The following TRIM16 variants were observed in gnomAD, a reference collection of about 807,000 sequenced individuals.
The protein encoded by TRIM16 is tripartite motif containing 16.
A neutral mutation model predicts 50.4 loss-of-function variants in TRIM16; 33 were observed. The observed-to-expected ratio is 0.65, with a 90% CI of 0.50 to 0.88. The LOEUF is 0.88. Among genes scored for constraint, TRIM16 ranks in the 40% least tolerant of loss-of-function variants. The probability of loss-of-function intolerance (pLI) is 0.00; values close to 1 mark genes in which losing one functional copy is unlikely to be tolerated. For missense variants in TRIM16, 581 were observed against 686.8 expected (o/e 0.85, Z 1.72); for synonymous variants, 229 against 270.7 (o/e 0.85, Z 1.51).
chr17:15,664,038 C>T (rs917134266), intron 6 of TRIM16, among the ~76,000 whole-genome samples: 3 of 152,152 alleles, frequency 2.0e-5, no homozygotes, highest in Non-Finnish European at 2.9e-5. Flanking sequence ...CACTTGGTTC[C>T]GAGATCCATC....
intron 6 of TRIM16, among the ~76,000 whole-genome samples, chr17:15,670,830 A>G (rs1988697255): frequency 1.3e-5 from 2 of 152,294 alleles, no homozygotes; most frequent in Admixed American, 6.5e-5. Flanking sequence ...CCATGACTTC[A>G]CTATACAGTT....
chr17:15,647,320 C>T (rs548680033), intron 7 of TRIM16, among the ~76,000 whole-genome samples: 22 of 152,332 alleles, frequency 1.4e-4, no homozygotes, highest in African/African-American at 4.8e-4. Context: ...ATCCACCTTT[C>T]GGCTGCCAGC....
chr17:15,675,294 G>A (rs1272913581), intron 6 of TRIM16, among the ~76,000 whole-genome samples: 3 of 152,076 alleles, frequency 2.0e-5, no homozygotes, highest in Non-Finnish European at 4.4e-5. Context: ...ATAAAGCATC[G>A]CCACTGTAAC....
At position 15,677,575 on chromosome 17, in the gene TRIM16, C is replaced by A; in HGVS notation, c.-443G>T. The A allele has an allele frequency of 9.5e-7, 1 of 1,052,040 alleles. No individual in the cohort carries two copies. Among genetic ancestry groups the A allele is most frequent in the Non-Finnish European group, 1.2e-6 (1 of 862,756 alleles). 65.2% of individuals were successfully genotyped at this position (1,052,040 alleles called of 1,614,324 possible). A position where few individuals can be genotyped will look rare whatever the true frequency, so the allele number is the denominator to read the frequency against. ...CTGGGGTGGAAGGACCCAAGCTCACCCAAGGAGACCAGGTTCCTATAGTTC... is the reference window on the plus strand; with the variant it reads ...CTGGGGTGGAAGGACCCAAGCTCACACAAGGAGACCAGGTTCCTATAGTTC... On this transcript the variant is annotated splice_region_variant and 5_prime_UTR_variant, in exon 5 of 12. Coordinates refer to ENST00000649191, the MANE Select transcript of TRIM16 (RefSeq NM_001348119.1).
At chr17:15,637,137 C>A (rs1323940217) in intron 8 of TRIM16, among the ~76,000 whole-genome samples, 2 of 145,100 alleles carry the variant, frequency 1.4e-5, no homozygotes, top group Middle Eastern at 3.7e-3. Context: ...GTCAGCCCCC[C>A]GCCCGGCCAG....
At chr17:15,668,180 C>T (rs1362303067) in intron 6 of TRIM16, among the ~76,000 whole-genome samples, 1 of 152,216 alleles carries the variant, frequency 6.6e-6, no homozygotes, top group African/African-American at 2.4e-5. Context: ...ACATGGACTC[C>T]AGCTATCTGT....
intron 6 of TRIM16, among the ~76,000 whole-genome samples, chr17:15,674,967 T>C (rs1988866011): frequency 6.6e-6 from 1 of 152,000 alleles, no homozygotes; most frequent in Non-Finnish European, 1.5e-5. Context: ...AGCTATGAGC[T>C]TCTTTATTTT....
chr17:15,657,769 TAAG>T (rs1296186289), intron 6 of TRIM16, among the ~76,000 whole-genome samples: 1 of 152,184 alleles, frequency 6.6e-6, no homozygotes, highest in African/African-American at 2.4e-5. Flanking sequence ...CCTCCAAACT[TAAG>T]AATTGAGAAT....
chr17:15,670,405 C>T (rs1010873635), intron 6 of TRIM16, among the ~76,000 whole-genome samples: 8 of 152,042 alleles, frequency 5.3e-5, no homozygotes, highest in African/African-American at 1.9e-4. Context: ...CGCTAATTTC[C>T]CCCACGTCGA....
intron 6 of TRIM16, among the ~76,000 whole-genome samples, chr17:15,669,450 C>G (rs1988634373): frequency 6.6e-6 from 1 of 152,076 alleles, no homozygotes; most frequent in African/African-American, 2.4e-5. Context: ...AAACAGTACA[C>G]TACTAGTTAT....
intron 6 of TRIM16, among the ~76,000 whole-genome samples, chr17:15,669,413 T>C (rs1988633198): frequency 6.6e-6 from 1 of 152,046 alleles, no homozygotes; most frequent in African/African-American, 2.4e-5. Flanking sequence ...AAGTATAATG[T>C]TGAAAGTTAT....
At chr17:15,670,714 G>A (rs1988690928) in intron 6 of TRIM16, among the ~76,000 whole-genome samples, 1 of 152,318 alleles carries the variant, frequency 6.6e-6, no homozygotes, top group South Asian at 2.1e-4. Flanking sequence ...TTTCTCCACT[G>A]AAGATTATTC....
intron 6 of TRIM16, among the ~76,000 whole-genome samples, chr17:15,661,456 A>T (rs1398474067): frequency 6.6e-6 from 1 of 152,074 alleles, no homozygotes; most frequent in Non-Finnish European, 1.5e-5. Context: ...CAACATTCAT[A>T]TTTCGCAGCT....
intron 11 of TRIM16, among the ~76,000 whole-genome samples, chr17:15,630,691 G>T (rs896176033): frequency 2.0e-5 from 3 of 150,656 alleles, no homozygotes; most frequent in African/African-American, 7.4e-5. Context: ...GTGGTGGCAT[G>T]CGCCTGTGGT....
At chr17:15,679,755 G>A (rs1387747188) in intron 4 of TRIM16, among the ~76,000 whole-genome samples, 3 of 152,030 alleles carry the variant, frequency 2.0e-5, no homozygotes, top group Non-Finnish European at 4.4e-5. Context: ...GGCTAACACG[G>A]TGAAACCCTG....
chr17:15,628,822 C>G lies in TRIM16; in HGVS notation c.1488G>C (p.Gly496=). The change falls in exon 12 of 12, where the codon GGG becomes GGC. Residue 496 remains glycine, a synonymous_variant. Transcript: ENST00000649191. ...TCCCTCCCGGGAAGTCGATATAGACCCCGAGCCTCCGGAAAGGGCCAGCTT... is the reference window on the plus strand; with the variant it reads ...TCCCTCCCGGGAAGTCGATATAGACGCCGAGCCTCCGGAAAGGGCCAGCTT... ...PLKAGPFRRL[G]VYIDFPGGIL... The G allele has an allele frequency of 1.2e-6, 2 of 1,614,142 alleles. No homozygotes were observed. Among genetic ancestry groups the G allele is most frequent in the Non-Finnish European group, 8.5e-7 (1 of 1,180,000 alleles).
chr17:15,641,261 A>C (rs1987104177), intron 8 of TRIM16, among the ~76,000 whole-genome samples: 1 of 148,358 alleles, frequency 6.7e-6, no homozygotes, highest in African/African-American at 2.5e-5. Context: ...CAGAGAGGAG[A>C]GGCCTCAATA....
Position 15,651,518 on chromosome 17 carries a change from C to T in TRIM16, c.92G>A (p.Ser31Asn). The change falls in exon 7 of 12, where the codon AGC becomes AAC. Residue 31 changes from serine to asparagine, a missense_variant. Physicochemically the swap from Ser to Asn is conservative, Grantham distance 46. This residue lies in a region of TRIM16 where 450 missense variants were observed against 544.3 expected (regional missense o/e 0.83). Transcript: ENST00000649191. ...TGGGCTGGCTGACCCAGAATCTGGG[C>T]TGGGTGACCCAGAGTCTGGGCTGAG... is the stretch of plus-strand genomic sequence containing the variant. ...APLSPDSGSP[S>N]PDSGSASPVE... is the part of the protein sequence containing the mutation. 2 of 1,613,284 alleles carry T rather than the reference C, an allele frequency of 1.2e-6. No homozygotes were observed. Among genetic ancestry groups the T allele is most frequent in the East Asian group, 4.5e-5 (2 of 44,864 alleles).
At position 15,651,795 on chromosome 17, in the gene TRIM16, C is replaced by A; in HGVS notation, c.-186G>T. Reference sequence around the variant, plus strand: ...GCTGGCGCTGGATGGCAGCCAGATGCGATGACGACAAGGCAGCTAGAGTAC... The same window carrying A: ...GCTGGCGCTGGATGGCAGCCAGATGAGATGACGACAAGGCAGCTAGAGTAC... On this transcript the variant is annotated 5_prime_UTR_variant, in exon 7 of 12. Coordinates refer to ENST00000649191, the MANE Select transcript of TRIM16 (RefSeq NM_001348119.1). 1 of 1,464,432 alleles carries A rather than the reference C, an allele frequency of 6.8e-7. No individual in the cohort carries two copies. The allele number at this position is 1,464,432 out of a possible 1,614,324, so 90.7% of individuals were successfully genotyped here.
Sources: allele counts gnomAD v4.1 joint callset (sites outside exome capture counted in the v4.1 genomes callset), GRCh38; gene constraint gnomAD v4.1.1; regional missense constraint gnomAD v4.1.1; transcripts MANE v1.5; gene names NCBI Gene and HGNC (gene_info 2026-07-23, HGNC 2026-07-21).